The following CNTN1 variants were observed in gnomAD, a reference collection of about 807,000 sequenced individuals.
The protein encoded by CNTN1 is contactin 1, also known as contactin-1.
In CNTN1, 38 loss-of-function variants were observed where a neutral mutation model predicts 126.4. The ratio of observed to expected loss-of-function variants is 0.30; its 90% CI spans 0.23 to 0.39. The LOEUF (loss-of-function observed/expected upper bound fraction) is 0.39, where lower values mean the gene tolerates loss of function less well. Among genes scored for constraint, CNTN1 ranks in the 10% least tolerant of loss-of-function variants. The probability of loss-of-function intolerance (pLI) is 1.00; values close to 1 mark genes in which losing one functional copy is unlikely to be tolerated. For synonymous variants in CNTN1, 413 were observed against 422.6 expected (o/e 0.98, Z 0.28); for missense variants, 1,009 against 1,248.4 (o/e 0.81, Z 2.89).
At chr12:40,855,154 C>T (rs1199097972) in intron 1 of CNTN1, among the ~76,000 whole-genome samples, 5 of 152,064 alleles carry the variant, frequency 3.3e-5, no homozygotes, top group Non-Finnish European at 7.4e-5. Flanking sequence ...ATACTAATGA[C>T]CTAGTCTAGT....
intron 1 of CNTN1, among the ~76,000 whole-genome samples, chr12:40,770,676 C>T (rs1939302446): frequency 6.6e-6 from 1 of 152,044 alleles, no homozygotes; most frequent in African/African-American, 2.4e-5. Flanking sequence ...ATAAGGAATA[C>T]ATAAAGCTTA....
At chr12:40,988,359 A>G (rs986335886) in intron 16 of CNTN1, among the ~76,000 whole-genome samples, 1 of 152,192 alleles carries the variant, frequency 6.6e-6, no homozygotes, top group Non-Finnish European at 1.5e-5. Context: ...CGGATCTTAA[A>G]GAAATACCAG....
chr12:40,918,147 T>G (rs1440189412), intron 3 of CNTN1, among the ~76,000 whole-genome samples: 1 of 152,072 alleles, frequency 6.6e-6, no homozygotes, highest in Non-Finnish European at 1.5e-5. Context: ...GAACAGAAAG[T>G]TGTACCAAGA....
intron 15 of CNTN1, chr12:40,971,597 C>T: frequency 6.6e-7 from 1 of 1,523,930 alleles, no homozygotes; most frequent in Non-Finnish European, 8.7e-7. Context: ...CTTGTAGCTT[C>T]TGCAGTTCTC....
chr12:40,745,056 G>A (rs901673635), intron 1 of CNTN1, among the ~76,000 whole-genome samples: 109 of 152,126 alleles, frequency 7.2e-4, no homozygotes, highest in African/African-American at 2.4e-3. Context: ...CATAATCACC[G>A]TATTTAGCAG....
chr12:40,783,733 C>T (rs1939893986), intron 1 of CNTN1, among the ~76,000 whole-genome samples: 1 of 151,964 alleles, frequency 6.6e-6, no homozygotes. Flanking sequence ...AATAAAAAAC[C>T]AAATAGATGA....
chr12:40,867,495 T>C lies in CNTN1; in HGVS notation c.-76-40862T>C, dbSNP rs559911425. Among the ~76,000 whole-genome samples the C allele has an allele frequency of 1.6e-4, 24 of 152,304 alleles. No individual in the cohort carries two copies. In the South Asian group the frequency reaches 5.0e-3, roughly 32 times the overall value. On this transcript the variant is annotated intron_variant, in intron 1 of 23. Transcript: ENST00000551295. The stretch of plus-strand genomic sequence containing the variant: ...AAAATCTCTAAGAGTCCATGTTAAG[T>C]GTTTTCACTACAAAAAACAATAAGT...
chr12:40,826,244 T>C (rs546000465), intron 1 of CNTN1, among the ~76,000 whole-genome samples: 4 of 152,290 alleles, frequency 2.6e-5, no homozygotes, highest in African/African-American at 9.6e-5. Context: ...GATCTTTTTA[T>C]ATGAAATTGA....
intron 1 of CNTN1, among the ~76,000 whole-genome samples, chr12:40,788,093 G>T (rs1211661588): frequency 6.6e-6 from 1 of 151,948 alleles, no homozygotes; most frequent in African/African-American, 2.4e-5. Context: ...TCCAAACTTG[G>T]CATGAGCATA....
At chr12:41,057,140 A>G (rs1209057492) in intron 23 of CNTN1, among the ~76,000 whole-genome samples, 2 of 142,750 alleles carry the variant, frequency 1.4e-5, no homozygotes, top group Non-Finnish European at 3.1e-5. Flanking sequence ...TATAAATATT[A>G]TATTTAGATA....
intron 1 of CNTN1, among the ~76,000 whole-genome samples, chr12:40,829,761 A>G (rs1286484015): frequency 6.6e-6 from 1 of 152,168 alleles, no homozygotes; most frequent in Non-Finnish European, 1.5e-5. Context: ...TACTACCTAT[A>G]TATCTTAGAA....
intron 19 of CNTN1, among the ~76,000 whole-genome samples, chr12:41,019,716 G>T (rs1948863253): frequency 6.6e-6 from 1 of 152,074 alleles, no homozygotes; most frequent in Non-Finnish European, 1.5e-5. Flanking sequence ...GCTTTCTTGA[G>T]CCCAGGAAAC....
intron 15 of CNTN1, among the ~76,000 whole-genome samples, chr12:40,961,294 A>G (rs1761272193): frequency 6.6e-6 from 1 of 152,064 alleles, no homozygotes; most frequent in Admixed American, 6.6e-5. Context: ...TATCCATTTC[A>G]TATCAAAAGA....
intron 1 of CNTN1, among the ~76,000 whole-genome samples, chr12:40,837,364 G>A (rs933342122): frequency 1.3e-5 from 2 of 152,128 alleles, no homozygotes; most frequent in African/African-American, 4.8e-5. Flanking sequence ...CTGGAAGCTG[G>A]GAGTGACTTC....
At position 41,016,724 on chromosome 12, in the gene CNTN1, A is replaced by G. The variant is rs759677391; in HGVS notation, c.2227A>G (p.Ile743Val). 3 of 1,614,178 alleles carry G rather than the reference A, an allele frequency of 1.9e-6. No homozygotes were observed. The Admixed American group carries it at 5.0e-5, about 27-fold the overall frequency. ...EYHYGNNFGY[I>V]VAFKPFDGEE... ...CCACTATGGCAACAATTTTGGTTACATAGTGGCATTTAAGCCATTTGATGG... is the reference window on the plus strand; with the variant it reads ...CCACTATGGCAACAATTTTGGTTACGTAGTGGCATTTAAGCCATTTGATGG... Residue 743 changes from isoleucine (I) to valine (V), a missense_variant, in exon 19 of 24, where the codon ATA becomes GTA. Physicochemically the swap from Ile to Val is conservative, Grantham distance 29. Coordinates refer to ENST00000551295, the MANE Select transcript of CNTN1 (RefSeq NM_001843.4).
chr12:40,949,727 A>C (rs1251905063), intron 14 of CNTN1, among the ~76,000 whole-genome samples: 1 of 150,666 alleles, frequency 6.6e-6, no homozygotes. Flanking sequence ...GGTGCCTGCC[A>C]CCACACCTGA....
chr12:40,862,228 C>CAA (rs1384020043), intron 1 of CNTN1, among the ~76,000 whole-genome samples: 1 of 151,756 alleles, frequency 6.6e-6, no homozygotes, highest in African/African-American at 2.4e-5. Flanking sequence ...CACACACACA[C>CAA]ACACACACGA....
intron 15 of CNTN1, chr12:40,971,859 T>A (rs1947523229): frequency 7.2e-6 from 8 of 1,111,992 alleles, no homozygotes; most frequent in Non-Finnish European, 8.8e-6. Context: ...TGATGAATTG[T>A]ATAATACAGG....
At chr12:40,910,575 C>T (rs1944990137) in intron 3 of CNTN1, among the ~76,000 whole-genome samples, 1 of 152,018 alleles carries the variant, frequency 6.6e-6, no homozygotes, top group African/African-American at 2.4e-5. Context: ...ACTTCAACTA[C>T]CAAACAGATA....
Sources: allele counts gnomAD v4.1 joint callset (sites outside exome capture counted in the v4.1 genomes callset), GRCh38; gene constraint gnomAD v4.1.1; transcripts MANE v1.5; gene names NCBI Gene and HGNC (gene_info 2026-07-23, HGNC 2026-07-21).